Variants in RHEB observed in about 807,000 individuals in gnomAD.
RHEB encodes the protein Ras homolog, mTORC1 binding, also known as GTP-binding protein Rheb.
Under a neutral mutation model 28.8 loss-of-function variants are expected in RHEB, and 2 were observed. That is an observed-to-expected ratio of 0.07 (90% confidence interval 0.03 to 0.22). The LOEUF (loss-of-function observed/expected upper bound fraction) is 0.22, where lower values mean the gene tolerates loss of function less well. Among genes scored for constraint, RHEB ranks in the 10% least tolerant of loss-of-function variants. The pLI is 1.00. For missense variants in RHEB, 76 were observed against 219.9 expected, an observed-to-expected ratio of 0.35 and a Z score of 4.14; for synonymous variants, 69 against 77.3, an observed-to-expected ratio of 0.89 and a Z score of 0.56.
At chr7:151,485,406 T>C (rs1802453086) in intron 2 of RHEB, among the ~76,000 whole-genome samples, 1 of 152,168 alleles carries the variant, frequency 6.6e-6, no homozygotes, top group African/African-American at 2.4e-5. Flanking sequence ...CTTGAATAAC[T>C]TCCGGAAAAG....
At chr7:151,505,553 G>T (rs1316679216) in intron 1 of RHEB, among the ~76,000 whole-genome samples, 1 of 152,166 alleles carries the variant, frequency 6.6e-6, no homozygotes, top group African/African-American at 2.4e-5. Context: ...GCTGCTAGTG[G>T]AGGCATAAAA....
At chr7:151,516,266 GA>G (rs1193645333) in intron 1 of RHEB, among the ~76,000 whole-genome samples, 2 of 151,780 alleles carry the variant, frequency 1.3e-5, no homozygotes, top group Non-Finnish European at 2.9e-5. Flanking sequence ...GACTACCTGA[GA>G]ATTATATTTT....
At chr7:151,497,083 C>T (rs1237374208) in intron 1 of RHEB, among the ~76,000 whole-genome samples, 1 of 151,994 alleles carries the variant, frequency 6.6e-6, no homozygotes, top group African/African-American at 2.4e-5. Flanking sequence ...CCGCCGCACC[C>T]AGCCACAAAC....
At chr7:151,505,533 G>C (rs1802856144) in intron 1 of RHEB, among the ~76,000 whole-genome samples, 1 of 152,190 alleles carries the variant, frequency 6.6e-6, no homozygotes, top group Admixed American at 6.5e-5. Context: ...AGCAACCAAA[G>C]CTCTCATGTG....
intron 7 of RHEB, 34 bp from the exon 8 acceptor site, chr7:151,467,245 G>C: frequency 6.8e-7 from 1 of 1,466,234 alleles, no homozygotes; most frequent in Non-Finnish European, 9.6e-7. Context: ...CACAGTGTTA[G>C]TGTGAAGCCG....
At chr7:151,510,971 C>A (rs902556747) in intron 1 of RHEB, among the ~76,000 whole-genome samples, 1 of 151,796 alleles carries the variant, frequency 6.6e-6, no homozygotes, top group Non-Finnish European at 1.5e-5. Context: ...CCCAGCTGCT[C>A]GGGAGGCTGA....
chr7:151,471,538 G>T lies in RHEB; in HGVS notation c.332+11C>A. On this transcript the variant is annotated intron_variant, in intron 5 of 7. Transcript: ENST00000262187. ...GTTTCTCTAACAAGCAGATAAAATGGTACTACTTACTGTACTTTCCCCACC... is the reference window on the plus strand; with the variant it reads ...GTTTCTCTAACAAGCAGATAAAATGTTACTACTTACTGTACTTTCCCCACC... 6.3e-7 allele frequency: 1 copy of T among 1,597,268 alleles called. No homozygotes were observed. The highest frequency in any genetic ancestry group is 8.6e-7 in the Non-Finnish European group (1 of 1,167,352).
chr7:151,482,112 C>T (rs1802389079), intron 3 of RHEB, among the ~76,000 whole-genome samples: 1 of 152,172 alleles, frequency 6.6e-6, no homozygotes, highest in Admixed American at 6.6e-5. Context: ...AATATGCTGG[C>T]GTCACACTTG....
intron 1 of RHEB, among the ~76,000 whole-genome samples, chr7:151,518,297 C>T (rs1157225164): frequency 6.6e-6 from 1 of 152,172 alleles, no homozygotes; most frequent in Non-Finnish European, 1.5e-5. Context: ...GACCCTGGCA[C>T]AGGCGGTGGA....
chr7:151,519,703 C>T lies in RHEB; in HGVS notation c.-192G>A. Reference sequence around the variant, plus strand: ...GAACCGACCGCGCGGCGGCGCCCCTCCCCCCCACAACACGCCCACGTGACC... The same window carrying T: ...GAACCGACCGCGCGGCGGCGCCCCTTCCCCCCACAACACGCCCACGTGACC... On this transcript the variant is annotated 5_prime_UTR_variant, in exon 1 of 8. Transcript: ENST00000262187. 2.6e-6 allele frequency: 1 copy of T among 378,478 alleles called. No homozygotes were observed. The highest frequency in any genetic ancestry group is 4.6e-6 in the Non-Finnish European group (1 of 218,358). The allele number at this position is 378,478 out of a possible 1,614,324, so 23.4% of individuals were successfully genotyped here.
intron 4 of RHEB, among the ~76,000 whole-genome samples, chr7:151,473,558 G>A (rs1454739761): frequency 6.6e-6 from 1 of 152,138 alleles, no homozygotes; most frequent in East Asian, 1.9e-4. Context: ...AATCAAACTG[G>A]TTGATTCGGA....
At chr7:151,505,888 G>T (rs1011246639) in intron 1 of RHEB, among the ~76,000 whole-genome samples, 3 of 152,160 alleles carry the variant, frequency 2.0e-5, no homozygotes, top group Non-Finnish European at 4.4e-5. Context: ...ATACAAAAAT[G>T]AGTATATATT....
At chr7:151,491,093 C>G in intron 1 of RHEB, 79 bp from the exon 2 acceptor site, 2 of 954,334 alleles carry the variant, frequency 2.1e-6, no homozygotes, top group South Asian at 1.4e-5. Flanking sequence ...TATTAAAAAA[C>G]CATTAATAGA....
intron 1 of RHEB, among the ~76,000 whole-genome samples, chr7:151,495,822 G>C (rs982126906): frequency 9.9e-5 from 15 of 152,174 alleles, no homozygotes; most frequent in African/African-American, 3.4e-4. Context: ...GTGTGGTGAT[G>C]TGTGCATATA....
At chr7:151,511,359 A>C (rs765239386) in intron 1 of RHEB, among the ~76,000 whole-genome samples, 1 of 152,232 alleles carries the variant, frequency 6.6e-6, no homozygotes, top group Non-Finnish European at 1.5e-5. Context: ...TAAGCACAAC[A>C]AAAAGAGAAA....
rs913950710 is a variant in RHEB, at chr7:151,479,644, C to T, written c.193-2229G>A. The stretch of plus-strand genomic sequence containing the variant: ...CTTGCAGTGAGCCGAGATCGCGCCA[C>T]AGCACTCCAGCCTGGGCGATAGAGC... On this transcript the variant is annotated intron_variant, in intron 3 of 7. Coordinates refer to ENST00000262187, the MANE Select transcript of RHEB (RefSeq NM_005614.4). Among the ~76,000 whole-genome samples, 10 of 138,128 alleles carry T rather than the reference C, an allele frequency of 7.2e-5. No homozygotes were observed. The South Asian group carries it at 1.4e-3, about 19-fold the overall frequency. The allele number at this position is 138,128 out of a possible 152,430, so 90.6% of individuals were successfully genotyped here.
chr7:151,511,393 T>C (rs1802985849), intron 1 of RHEB, among the ~76,000 whole-genome samples: 1 of 152,188 alleles, frequency 6.6e-6, no homozygotes, highest in Non-Finnish European at 1.5e-5. Context: ...GACTCAATTC[T>C]ACTACAGATA....
At chr7:151,507,904 G>C (rs1310372293) in intron 1 of RHEB, among the ~76,000 whole-genome samples, 1 of 152,018 alleles carries the variant, frequency 6.6e-6, no homozygotes, top group Non-Finnish European at 1.5e-5. Flanking sequence ...TTATTAACAG[G>C]ATTATTAAAC....
intron 1 of RHEB, among the ~76,000 whole-genome samples, chr7:151,509,292 C>G (rs1468397559): frequency 6.6e-6 from 1 of 152,216 alleles, no homozygotes; most frequent in Non-Finnish European, 1.5e-5. Flanking sequence ...GCACAGCCAC[C>G]TGTCTTCGGG....
Sources: gnomAD v4.1 joint callset for allele counts (sites outside exome capture counted in the v4.1 genomes callset) on GRCh38, gnomAD v4.1.1 for gene constraint, MANE v1.5 for transcripts, NCBI Gene and HGNC (gene_info 2026-07-23, HGNC 2026-07-21) for gene names.